Variants in FAM47E observed in about 807,000 individuals in gnomAD.
The protein encoded by FAM47E is protein FAM47E.
A neutral mutation model predicts 41.6 loss-of-function variants in FAM47E; 32 were observed. The observed-to-expected ratio is 0.77, with a 90% CI of 0.58 to 1.03. The LOEUF is 1.03. Ranked by LOEUF, FAM47E falls within the 50% of genes least tolerant of loss-of-function variation. FAM47E has a pLI of 0.00. For synonymous variants in FAM47E, 184 were observed against 188.7 expected (o/e 0.98, Z 0.20); for missense variants, 424 against 485.4 (o/e 0.87, Z 1.19).
upstream of FAM47E, among the ~76,000 whole-genome samples, chr4:76,247,201 C>CTG (rs1451297129): frequency 3.3e-5 from 5 of 152,130 alleles, no homozygotes; most frequent in African/African-American, 1.2e-4. Context: ...GAGTTATACA[C>CTG]TATATGTCCT....
intron 5 of FAM47E, among the ~76,000 whole-genome samples, chr4:76,276,364 G>GT (rs145661561): frequency 0.18 from 24,779 of 139,764 alleles, 2,261 homozygotes; most frequent in African/African-American, 0.24. Flanking sequence ...ACTTTTTTTT[G>GT]TTTGTTTGTT....
chr4:76,243,184 C>T (rs10029710), intron 2 of FAM47E, among the ~76,000 whole-genome samples: 32,313 of 152,062 alleles, frequency 0.21, 3,689 homozygotes, highest in East Asian at 0.46. Context: ...TTCCATTCTC[C>T]AGAACTGTTT....
rs1735204742 is a variant in FAM47E at position 76,278,122 on chromosome 4, C to A, written c.924C>A (p.Asn308Lys). 1.3e-6 allele frequency: 2 copies of A among 1,550,896 alleles called. No homozygotes were observed. Among genetic ancestry groups the A allele is most frequent in the Non-Finnish European group, 8.7e-7 (1 of 1,146,734 alleles). Residue 308 changes from asparagine (N) to lysine (K), a missense_variant, in exon 6 of 8, where the codon AAC (asparagine) becomes AAA (lysine). By Grantham distance (94) the Asn-to-Lys change is moderately conservative. Coordinates refer to ENST00000424749, the MANE Select transcript of FAM47E (RefSeq NM_001136570.3). Reference protein sequence around the residue: ...VKMRYGAWYLNPKLWKKQRVD... With the variant: ...VKMRYGAWYLKPKLWKKQRVD... ...TGAGGTATGGAGCATGGTATTTGAA[C>A]CCCAAGTTGTGGAAAAAGCAAAGAG...
intron 5 of FAM47E, among the ~76,000 whole-genome samples, chr4:76,273,538 G>A (rs940674417): frequency 7.2e-5 from 11 of 152,086 alleles, no homozygotes; most frequent in Non-Finnish European, 1.6e-4. Context: ...TTCCTTGGAT[G>A]CTTTTAATAT....
In FAM47E at chr4:76,273,081, A is replaced by G. The variant is rs114184091; in HGVS notation, c.870+1313A>G. ...CCAAGATCCTCCAGTGGATGCTGAA[A>G]CTTTGGATAGTGCTAACTCCTATAT... On this transcript the variant is annotated intron_variant, in intron 5 of 7. Transcript: ENST00000424749. 1.9e-3 allele frequency among the ~76,000 whole-genome samples: 285 copies of G among 152,246 alleles called. 2 individuals are homozygous for G. The highest frequency in any genetic ancestry group is 1.2e-3 in the Non-Finnish European group (83 of 68,026).
intron 2 of FAM47E, among the ~76,000 whole-genome samples, chr4:76,245,826 T>C (rs1733814996): frequency 6.6e-6 from 1 of 152,084 alleles, no homozygotes; most frequent in African/African-American, 2.4e-5. Context: ...GGCTCAGGCA[T>C]CTCCTCAAAT....
At chr4:76,257,779 T>C (rs1734252167) in intron 2 of FAM47E, among the ~76,000 whole-genome samples, 2 of 151,946 alleles carry the variant, frequency 1.3e-5, no homozygotes, top group African/African-American at 4.8e-5. Context: ...TCACATCTAC[T>C]CCTTACTGTG....
chr4:76,234,591 A>C (rs1733552524), intron 2 of FAM47E: 1 of 152,160 alleles, frequency 6.6e-6, no homozygotes, highest in Admixed American at 6.5e-5. Flanking sequence ...GAACTTCCCG[A>C]GACTCCACCC....
At chr4:76,238,482 A>G (rs1733634183) in intron 2 of FAM47E, among the ~76,000 whole-genome samples, 3 of 152,206 alleles carry the variant, frequency 2.0e-5, no homozygotes, top group African/African-American at 7.2e-5. Context: ...TACTACATTT[A>G]TCTTTAGCAC....
chr4:76,235,441 A>G (rs1733570519), intron 2 of FAM47E, among the ~76,000 whole-genome samples: 1 of 152,242 alleles, frequency 6.6e-6, no homozygotes, highest in African/African-American at 2.4e-5. Flanking sequence ...TTAGGAAGAG[A>G]AGCCTCCTAT....
intron 2 of FAM47E, among the ~76,000 whole-genome samples, chr4:76,221,122 T>C (rs571734617): frequency 7.4e-4 from 113 of 152,276 alleles, no homozygotes; most frequent in African/African-American, 2.6e-3. Context: ...CAAGGCCACT[T>C]TCCCATACCT....
At chr4:76,247,689 A>G (rs1433693192), upstream of FAM47E, among the ~76,000 whole-genome samples, 1 of 152,076 alleles carries the variant, frequency 6.6e-6, no homozygotes, top group Non-Finnish European at 1.5e-5. Context: ...CATTTCCTTA[A>G]TGACTAATGA....
At chr4:76,251,963 A>C (rs1355282507) in intron 1 of FAM47E, 143 bp downstream of exon 1, 44 of 1,094,984 alleles carry the variant, frequency 4.0e-5, no homozygotes, top group Middle Eastern at 6.4e-4. Flanking sequence ...GTACAACATA[A>C]TACGCTGAGA....
intron 3 of FAM47E, among the ~76,000 whole-genome samples, chr4:76,266,228 G>A (rs1205431944): frequency 6.6e-6 from 1 of 152,130 alleles, no homozygotes; most frequent in Non-Finnish European, 1.5e-5. Context: ...TTTGGTCTTT[G>A]ACGTCTTTTC....
At chr4:76,245,596 A>G (rs990207115) in intron 2 of FAM47E, among the ~76,000 whole-genome samples, 1 of 152,182 alleles carries the variant, frequency 6.6e-6, no homozygotes, top group African/African-American at 2.4e-5. Context: ...ACGCCAGGGC[A>G]GAGCAGGCAG....
chr4:76,251,657 G>A (rs1733966198), upstream of FAM47E: 9 of 1,357,116 alleles, frequency 6.6e-6, no homozygotes, highest in Non-Finnish European at 8.5e-6. Flanking sequence ...AATACCGGCA[G>A]CGGTGGTTGT....
chr4:76,251,504 A>G (rs1356539442), upstream of FAM47E, among the ~76,000 whole-genome samples: 2 of 152,188 alleles, frequency 1.3e-5, no homozygotes, highest in African/African-American at 4.8e-5. Flanking sequence ...GGGAAGATGA[A>G]CACGCCTTCC....
intron 2 of FAM47E, among the ~76,000 whole-genome samples, chr4:76,220,226 T>C (rs1733284947): frequency 6.6e-6 from 1 of 152,198 alleles, no homozygotes; most frequent in African/African-American, 2.4e-5. Flanking sequence ...ATAGCAGCAT[T>C]GTTCACAATA....
rs528916918 is a variant in FAM47E, at chr4:76,283,369, A to AT, written c.1105-3dup. On this transcript the variant is annotated splice_polypyrimidine_tract_variant and intron_variant, in intron 7 of 7. Coordinates refer to ENST00000424749, the MANE Select transcript of FAM47E (RefSeq NM_001136570.3). ...TTGCCAATCTAATGAAGGTTCTCTC[A>AT]TTTTTTTTTAGTTCCTTGAGAATAT... 695 of 1,392,004 alleles carry AT rather than the reference A, an allele frequency of 5.0e-4. No individual in the cohort carries two copies. Among genetic ancestry groups the AT allele is most frequent in the Non-Finnish European group, 6.0e-4 (613 of 1,020,168 alleles). 86.2% of individuals were successfully genotyped at this position (1,392,004 alleles called of 1,614,324 possible). A position where few individuals can be genotyped will look rare whatever the true frequency, so the allele number is the denominator to read the frequency against.
Sources: allele counts gnomAD v4.1 joint callset (sites outside exome capture counted in the v4.1 genomes callset), GRCh38; gene constraint gnomAD v4.1.1; transcripts MANE v1.5; gene names NCBI Gene and HGNC (gene_info 2026-07-23, HGNC 2026-07-21).